The following ARHGAP15 variants were observed in gnomAD, a reference collection of about 807,000 sequenced individuals.
ARHGAP15 encodes rho GTPase-activating protein 15.
A neutral mutation model predicts 63.7 loss-of-function variants in ARHGAP15; 51 were observed. The ratio of observed to expected loss-of-function variants is 0.80; its 90% CI spans 0.64 to 1.01. The LOEUF is 1.01. Among genes scored for constraint, ARHGAP15 ranks in the 50% least tolerant of loss-of-function variants. The probability of loss-of-function intolerance (pLI) is 0.00; values close to 1 mark genes in which losing one functional copy is unlikely to be tolerated. For missense variants in ARHGAP15, 560 were observed against 564.6 expected, an observed-to-expected ratio of 0.99 and a Z score of 0.08; for synonymous variants, 191 against 193.8, an observed-to-expected ratio of 0.99 and a Z score of 0.12.
chr2:143,262,787 A>G (rs1331866694), intron 6 of ARHGAP15, among the ~76,000 whole-genome samples: 3 of 152,098 alleles, frequency 2.0e-5, no homozygotes, highest in African/African-American at 7.2e-5. Context: ...CATAGTTACC[A>G]TGCAGTGGTC....
At chr2:143,220,208 T>A (rs544256101) in intron 4 of ARHGAP15, among the ~76,000 whole-genome samples, 1 of 152,258 alleles carries the variant, frequency 6.6e-6, no homozygotes, top group South Asian at 2.1e-4. Flanking sequence ...CTGTTGCTTG[T>A]CAATTTTTCT....
intron 10 of ARHGAP15, among the ~76,000 whole-genome samples, chr2:143,520,732 C>T (rs901165678): frequency 6.6e-6 from 1 of 152,016 alleles, no homozygotes; most frequent in African/African-American, 2.4e-5. Flanking sequence ...GTTATTATTT[C>T]CAATAACTAA....
intron 9 of ARHGAP15, among the ~76,000 whole-genome samples, chr2:143,506,561 A>T (rs1693334397): frequency 1.3e-5 from 2 of 152,202 alleles, no homozygotes; most frequent in Non-Finnish European, 2.9e-5. Context: ...AGAACTTAAC[A>T]TTTGAATTGT....
intron 11 of ARHGAP15, among the ~76,000 whole-genome samples, chr2:143,613,090 T>C (rs555581081): frequency 5.9e-5 from 9 of 152,310 alleles, no homozygotes; most frequent in Non-Finnish European, 1.3e-4. Context: ...CTTAGCACTT[T>C]ATAGAAATCC....
intron 6 of ARHGAP15, among the ~76,000 whole-genome samples, chr2:143,410,683 A>G (rs1380493000): frequency 6.6e-6 from 1 of 152,150 alleles, no homozygotes; most frequent in Non-Finnish European, 1.5e-5. Flanking sequence ...AAAATAAAAT[A>G]TGTAGTGTAT....
chr2:143,643,494 G>C (rs1680715651), intron 12 of ARHGAP15, among the ~76,000 whole-genome samples: 1 of 134,058 alleles, frequency 7.5e-6, no homozygotes, highest in Admixed American at 9.0e-5. Flanking sequence ...GGTAGCATCA[G>C]AATCACCTCG....
intron 6 of ARHGAP15, among the ~76,000 whole-genome samples, chr2:143,351,587 A>G (rs908404078): frequency 1.2e-4 from 19 of 152,162 alleles, no homozygotes; most frequent in Admixed American, 1.2e-3. Flanking sequence ...TTCTTCTACA[A>G]GGAATGGCTT....
intron 11 of ARHGAP15, among the ~76,000 whole-genome samples, chr2:143,560,720 C>T (rs1025141373): frequency 6.6e-6 from 1 of 152,216 alleles, no homozygotes; most frequent in Non-Finnish European, 1.5e-5. Flanking sequence ...AAACGCCAAA[C>T]ATCACAGTTA....
At chr2:143,434,143 G>T (rs1043675437) in intron 6 of ARHGAP15, among the ~76,000 whole-genome samples, 1 of 151,992 alleles carries the variant, frequency 6.6e-6, no homozygotes, top group African/African-American at 2.4e-5. Context: ...TTTAAAAAGA[G>T]AGAGAAAGAC....
At chr2:143,663,074 G>GA (rs1681918593) in intron 12 of ARHGAP15, among the ~76,000 whole-genome samples, 1 of 102,960 alleles carries the variant, frequency 9.7e-6, no homozygotes, top group African/African-American at 3.7e-5. Flanking sequence ...ACGCCACAAA[G>GA]ATACTCCTCG....
chr2:143,731,019 T>C (rs1431893220), intron 13 of ARHGAP15, among the ~76,000 whole-genome samples: 1 of 138,496 alleles, frequency 7.2e-6, no homozygotes, highest in Non-Finnish European at 1.5e-5. Flanking sequence ...CCAGTAGAAG[T>C]GGAGCAGCAA....
intron 6 of ARHGAP15, among the ~76,000 whole-genome samples, chr2:143,339,614 C>A (rs1293082825): frequency 5.3e-5 from 8 of 152,082 alleles, no homozygotes; most frequent in Non-Finnish European, 1.2e-4. Flanking sequence ...GAAGTCAGTT[C>A]CTACCTATTT....
chr2:143,631,551 C>A (rs977034083), intron 12 of ARHGAP15, among the ~76,000 whole-genome samples: 3 of 151,996 alleles, frequency 2.0e-5, no homozygotes, highest in Non-Finnish European at 4.4e-5. Context: ...GTTTAATTTG[C>A]ATTTCACTAA....
intron 13 of ARHGAP15, among the ~76,000 whole-genome samples, chr2:143,716,484 A>T (rs1184802241): frequency 6.6e-6 from 1 of 152,154 alleles, no homozygotes; most frequent in Non-Finnish European, 1.5e-5. Flanking sequence ...TATCAGGTCA[A>T]CCCCAACTTC....
intron 12 of ARHGAP15, among the ~76,000 whole-genome samples, chr2:143,660,019 G>T (rs1681670308): frequency 1.3e-5 from 2 of 152,038 alleles, no homozygotes; most frequent in Admixed American, 6.5e-5. Context: ...CTAATCTGTG[G>T]GTAGACACGT....
At chr2:143,640,822 AG>A (rs1473467412) in intron 12 of ARHGAP15, 1 of 152,146 alleles carries the variant, frequency 6.6e-6, no homozygotes, top group Non-Finnish European at 1.5e-5. Context: ...TGTTTATTCT[AG>A]TTGTTTCAGA....
rs11438710 is a variant in ARHGAP15, at chr2:143,435,582, CTTTTT to C, written c.475-9_475-5del. The C allele has an allele frequency of 8.1e-6, 11 of 1,356,696 alleles. No homozygotes were observed. The highest frequency in any genetic ancestry group is 6.2e-5 in the Admixed American group (2 of 32,368). The allele number at this position is 1,356,696 out of a possible 1,614,324, so 84.0% of individuals were successfully genotyped here. On this transcript the variant is annotated splice_polypyrimidine_tract_variant and intron_variant, in intron 6 of 13. Transcript: ENST00000295095. ...TTTCTTTACCTGTCTATTTCTTTTT[CTTTTT>C]TTTTTTTTTGCAGATCACAACAGTA... is the stretch of plus-strand genomic sequence containing the variant.
intron 13 of ARHGAP15, among the ~76,000 whole-genome samples, chr2:143,762,438 A>T (rs548967412): frequency 6.6e-6 from 1 of 152,186 alleles, no homozygotes; most frequent in South Asian, 2.1e-4. Flanking sequence ...TAAGGGCCTA[A>T]TGAAACCTAA....
At chr2:143,352,393 A>C in intron 6 of ARHGAP15, among the ~76,000 whole-genome samples, 1 of 152,220 alleles carries the variant, frequency 6.6e-6, no homozygotes, top group East Asian at 1.9e-4. Flanking sequence ...ATTGAAATAA[A>C]ATAATGATCT....
Sources: gnomAD v4.1 joint callset for allele counts (sites outside exome capture counted in the v4.1 genomes callset) on GRCh38, gnomAD v4.1.1 for gene constraint, MANE v1.5 for transcripts, NCBI Gene and HGNC (gene_info 2026-07-23, HGNC 2026-07-21) for gene names.